The following DACH2 variants were observed in gnomAD, a reference collection of about 807,000 sequenced individuals.
The protein encoded by DACH2 is dachshund homolog 2.
In DACH2, 17 loss-of-function variants were observed where a neutral mutation model predicts 35.8. That is an observed-to-expected ratio of 0.48 (90% CI 0.33 to 0.71). DACH2 has a LOEUF of 0.71. Among genes scored for constraint, DACH2 ranks in the 30% least tolerant of loss-of-function variants. The probability of loss-of-function intolerance (pLI) is 0.02; values close to 1 mark genes in which losing one functional copy is unlikely to be tolerated. For missense variants in DACH2, 469 were observed against 472.7 expected (o/e 0.99, Z 0.07); for synonymous variants, 195 against 177.3 (o/e 1.10, Z -0.79).
At chrX:86,538,781 G>T (rs1042425952) in intron 3 of DACH2, among the ~76,000 whole-genome samples, 4 of 111,809 alleles carry the variant, frequency 3.6e-5, no homozygotes, top group Non-Finnish European at 7.5e-5. Context: ...GGGATTACAT[G>T]TTGATCACAT....
intron 1 of DACH2, among the ~76,000 whole-genome samples, chrX:86,243,049 G>A (rs900342299): frequency 9.0e-6 from 1 of 111,499 alleles, no homozygotes; most frequent in African/African-American, 3.3e-5. Context: ...ATATAGATGG[G>A]GGTCTCACTA....
chrX:86,495,374 T>G (rs757390216), intron 2 of DACH2, among the ~76,000 whole-genome samples: 2 of 108,956 alleles, frequency 1.8e-5, no homozygotes, highest in African/African-American at 6.7e-5. Flanking sequence ...TTTTTTTAAC[T>G]AAGACTTCAA....
intron 4 of DACH2, among the ~76,000 whole-genome samples, chrX:86,683,940 C>T (rs1314619861): frequency 9.0e-6 from 1 of 111,291 alleles, no homozygotes; most frequent in East Asian, 2.8e-4. Flanking sequence ...TCAGGTCTGT[C>T]TGATGCTCCT....
At chrX:86,691,622 G>T (rs1334228292) in intron 4 of DACH2, among the ~76,000 whole-genome samples, 2 of 111,391 alleles carry the variant, frequency 1.8e-5, no homozygotes, top group African/African-American at 6.5e-5. Context: ...GCATGAACTC[G>T]CACAGAGGAA....
chrX:86,786,560 GA>G (rs1184746189), intron 7 of DACH2, among the ~76,000 whole-genome samples: 1 of 112,008 alleles, frequency 8.9e-6, no homozygotes, highest in Non-Finnish European at 1.9e-5. Context: ...TGTCATAAAA[GA>G]TAAAGAAAAT....
chrX:86,386,391 AG>A (rs1347363015), intron 2 of DACH2, among the ~76,000 whole-genome samples: 2 of 111,376 alleles, frequency 1.8e-5, no homozygotes, highest in East Asian at 5.7e-4. Flanking sequence ...CACGGGGCTC[AG>A]GAAGTATCTG....
chrX:86,697,185 GT>G (rs887152313), intron 5 of DACH2, among the ~76,000 whole-genome samples: 5 of 111,680 alleles, frequency 4.5e-5, no homozygotes, highest in African/African-American at 1.3e-4. Flanking sequence ...ATTATAGAAT[GT>G]TTGTTTGCTC....
intron 7 of DACH2, among the ~76,000 whole-genome samples, chrX:86,769,999 A>T (rs1442048279): frequency 1.9e-5 from 2 of 106,490 alleles, no homozygotes; most frequent in Non-Finnish European, 3.9e-5. Context: ...CCTTCTCTAT[A>T]AAAAAAATAA....
intron 2 of DACH2, among the ~76,000 whole-genome samples, chrX:86,377,538 G>T (rs757766504): frequency 9.0e-6 from 1 of 110,622 alleles, no homozygotes; most frequent in African/African-American, 3.3e-5. Flanking sequence ...GTGGTGAAAA[G>T]AACACACAGT....
chrX:86,546,508 T>C (rs867177197), intron 3 of DACH2, among the ~76,000 whole-genome samples: 5 of 73,372 alleles, frequency 6.8e-5, no homozygotes, highest in African/African-American at 3.2e-4. Flanking sequence ...TCTTTCTTTT[T>C]TTTTTTTTTT....
intron 3 of DACH2, among the ~76,000 whole-genome samples, chrX:86,624,082 A>AAAT (rs2040104527): frequency 9.5e-6 from 1 of 105,368 alleles, no homozygotes; most frequent in African/African-American, 3.6e-5. Context: ...AAAAAAAAAA[A>AAAT]GTGGCTGTGC....
chrX:86,189,017 A>G, intron 1 of DACH2, among the ~76,000 whole-genome samples: 1 of 112,113 alleles, frequency 8.9e-6, no homozygotes, highest in Non-Finnish European at 1.9e-5. Flanking sequence ...CTTACCAGAA[A>G]AGCTAGTAAA....
intron 2 of DACH2, among the ~76,000 whole-genome samples, chrX:86,413,277 T>C (rs774571564): frequency 1.8e-5 from 2 of 111,813 alleles, no homozygotes; most frequent in South Asian, 7.6e-4. Flanking sequence ...TTTTGAAGAG[T>C]TGATATAACC....
At chrX:86,624,008 A>G (rs1051168619) in intron 3 of DACH2, among the ~76,000 whole-genome samples, 1 of 83,854 alleles carries the variant, frequency 1.2e-5, no homozygotes, top group Non-Finnish European at 2.3e-5. Flanking sequence ...AGATCGCGCC[A>G]CTGCACTCCA....
intron 3 of DACH2, among the ~76,000 whole-genome samples, chrX:86,603,435 A>G (rs1315778403): frequency 9.2e-6 from 1 of 108,574 alleles, no homozygotes; most frequent in Non-Finnish European, 1.9e-5. Flanking sequence ...ATTCACCCCC[A>G]TTCCAACATC....
At chrX:86,460,550 A>G (rs2037553304) in intron 2 of DACH2, among the ~76,000 whole-genome samples, 1 of 110,711 alleles carries the variant, frequency 9.0e-6, no homozygotes, top group East Asian at 2.9e-4. Flanking sequence ...GAGAACTTAT[A>G]CTCTTCGATT....
At chrX:86,676,339 C>T (rs2040824837) in intron 4 of DACH2, among the ~76,000 whole-genome samples, 1 of 112,047 alleles carries the variant, frequency 8.9e-6, no homozygotes. Context: ...ACTGAAGCTT[C>T]TAGCACTCCA....
At chrX:86,486,179 G>C (rs1035150652) in intron 2 of DACH2, among the ~76,000 whole-genome samples, 1 of 110,960 alleles carries the variant, frequency 9.0e-6, no homozygotes, top group Non-Finnish European at 1.9e-5. Context: ...CCATTTTCAT[G>C]ATTTTGTCTG....
intron 3 of DACH2, among the ~76,000 whole-genome samples, chrX:86,515,618 C>T (rs1051524553): frequency 8.9e-6 from 1 of 111,844 alleles, no homozygotes; most frequent in Admixed American, 9.5e-5. Context: ...CCCTTTAGAC[C>T]AGTGGTTTCC....
Sources: allele counts gnomAD v4.1 joint callset (sites outside exome capture counted in the v4.1 genomes callset), GRCh38; gene constraint gnomAD v4.1.1; transcripts MANE v1.5; gene names NCBI Gene and HGNC (gene_info 2026-07-23, HGNC 2026-07-21).